The following DNM1L variants were observed in gnomAD, a reference collection of about 807,000 sequenced individuals.
DNM1L encodes the protein dynamin-1-like protein.
Under a neutral mutation model 92.8 loss-of-function variants are expected in DNM1L, and 33 were observed. The ratio of observed to expected loss-of-function variants is 0.36; its 90% CI spans 0.27 to 0.48. The LOEUF (loss-of-function observed/expected upper bound fraction) is 0.48, where lower values mean the gene tolerates loss of function less well. DNM1L is among the 20% of genes least tolerant of loss of function. The pLI is 0.99. For synonymous variants in DNM1L, 284 were observed against 305.0 expected, an observed-to-expected ratio of 0.93 and a Z score of 0.72; for missense variants, 485 against 888.8, an observed-to-expected ratio of 0.55 and a Z score of 5.78.
chr12:32,723,558 G>A (rs1953904222), intron 9 of DNM1L, among the ~76,000 whole-genome samples: 1 of 151,858 alleles, frequency 6.6e-6, no homozygotes, highest in Admixed American at 6.6e-5. Flanking sequence ...GCCGGGCGTG[G>A]TGGTGGGCAG....
chr12:32,679,766 A>T (rs1951734159), intron 1 of DNM1L: 1 of 1,078,202 alleles, frequency 9.3e-7, no homozygotes, highest in Non-Finnish European at 1.1e-6. Context: ...GGCGGGCGGA[A>T]CTGGAGTCCG....
At chr12:32,696,525 A>G (rs1165620076) in intron 1 of DNM1L, among the ~76,000 whole-genome samples, 3 of 151,852 alleles carry the variant, frequency 2.0e-5, no homozygotes, top group Non-Finnish European at 4.4e-5. Flanking sequence ...TATTGAGCCC[A>G]GGAATTGGAG....
chr12:32,729,311 G>A (rs964674297), intron 9 of DNM1L, among the ~76,000 whole-genome samples: 3 of 151,794 alleles, frequency 2.0e-5, no homozygotes, highest in Admixed American at 1.3e-4. Flanking sequence ...TCAAACTCCC[G>A]ACCTTGTGAT....
At chr12:32,730,239 C>CT (rs1338162828) in intron 9 of DNM1L, among the ~76,000 whole-genome samples, 13 of 152,316 alleles carry the variant, frequency 8.5e-5, no homozygotes, top group African/African-American at 3.1e-4. Flanking sequence ...TGGCACATGC[C>CT]TGTAGTCCCA....
chr12:32,731,548 AGAAAAG>A lies in DNM1L; in HGVS notation c.1356+40_1356+45del. On this transcript the variant is annotated intron_variant, in intron 11 of 19. Transcript: ENST00000549701. This position sits in a 1 kb window ranked among gnomAD's most constrained non-coding sequence, Gnocchi z 5.1. ...AAATGTAACAGGTTTCACATGAACTAGAAAAGGACATGAAGTGGTGGTTTCACTGGG... is the reference window on the plus strand; with the variant it reads ...AAATGTAACAGGTTTCACATGAACTAGACATGAAGTGGTGGTTTCACTGGG... 6.2e-7 allele frequency: 1 copy of A among 1,611,918 alleles called. No individual in the cohort carries two copies.
rs773298342 is a variant in DNM1L, at chr12:32,713,245, C to A, written c.493C>A (p.Gln165Lys). The A allele has an allele frequency of 1.2e-6, 2 of 1,613,772 alleles. No individual in the cohort carries two copies. Among genetic ancestry groups the A allele is most frequent in the Non-Finnish European group, 1.7e-6 (2 of 1,179,932 alleles). The change falls in exon 6 of 20, where the codon CAA becomes AAA. Residue 165 changes from glutamine (Q) to lysine (K), a missense_variant. Gln to Lys is a moderately conservative substitution (Grantham distance 53). Coordinates refer to ENST00000549701, the MANE Select transcript of DNM1L (RefSeq NM_012062.5). ...VGDQPKDIEL[Q>K]IRELILRFIS... ...TGATCAACCTAAGGATATTGAGCTT[C>A]AAATCAGAGAGCTCATTCTTCGGTT...
chr12:32,714,825 T>TAA (rs71068333), intron 6 of DNM1L, among the ~76,000 whole-genome samples: 261 of 142,262 alleles, frequency 1.8e-3, no homozygotes, highest in African/African-American at 6.1e-3. Flanking sequence ...CCATCTCTAT[T>TAA]AAAAAAAAAA....
intron 1 of DNM1L, among the ~76,000 whole-genome samples, chr12:32,692,064 A>G (rs746356548): frequency 2.6e-5 from 4 of 152,158 alleles, no homozygotes; most frequent in Non-Finnish European, 5.9e-5. Context: ...TGTTTAATAG[A>G]GTTCTTAGGG....
At chr12:32,683,806 G>A (rs1474768950) in intron 1 of DNM1L, among the ~76,000 whole-genome samples, 3 of 152,208 alleles carry the variant, frequency 2.0e-5, no homozygotes, top group East Asian at 3.9e-4. Flanking sequence ...GCCTCCCAAA[G>A]TGCTGGAATT....
At chr12:32,693,410 A>T (rs970898621) in intron 1 of DNM1L, among the ~76,000 whole-genome samples, 1 of 151,922 alleles carries the variant, frequency 6.6e-6, no homozygotes, top group Non-Finnish European at 1.5e-5. Context: ...TTTTCCCTGA[A>T]TTTTTTCTGT....
intron 9 of DNM1L, among the ~76,000 whole-genome samples, chr12:32,730,631 C>A (rs1003939575): frequency 3.3e-5 from 5 of 150,798 alleles, no homozygotes; most frequent in African/African-American, 1.2e-4. Context: ...TACTATGTGA[C>A]CCTTTATGGA....
intron 12 of DNM1L, among the ~76,000 whole-genome samples, chr12:32,733,180 C>T (rs564902075): frequency 5.9e-5 from 9 of 152,260 alleles, no homozygotes; most frequent in Non-Finnish European, 4.4e-5. Context: ...TTTTTATTTT[C>T]CTCTTAGGAT....
chr12:32,697,179 C>T (rs1952502574), intron 1 of DNM1L, among the ~76,000 whole-genome samples: 2 of 151,692 alleles, frequency 1.3e-5, no homozygotes. Context: ...CAGTGAGCCA[C>T]GATTATGCCA....
chr12:32,684,317 A>C (rs1340841358), intron 1 of DNM1L, among the ~76,000 whole-genome samples: 1 of 152,200 alleles, frequency 6.6e-6, no homozygotes, highest in Non-Finnish European at 1.5e-5. Context: ...GAATCATTGG[A>C]TTTTAAAATG....
In DNM1L at chr12:32,701,460, C is replaced by G. The variant is rs772908146; in HGVS notation, c.148C>G (p.Leu50Val). Residue 50 changes from leucine to valine, a missense_variant, in exon 2 of 20, where the codon CTG (leucine) becomes GTG (valine). This residue lies in a region of DNM1L where 159 missense variants were observed against 275.9 expected (regional missense o/e 0.58). Coordinates refer to ENST00000549701, the MANE Select transcript of DNM1L (RefSeq NM_012062.5). The stretch of plus-strand genomic sequence containing the variant: ...GCTAGAAAGCCTGGTGGGGAGGGAC[C>G]TGCTTCCCAGAGGTACTGGAATTGT... ...SVLESLVGRD[L>V]LPRGTGIVTR... 3.1e-6 allele frequency: 5 copies of G among 1,613,534 alleles called. No individual in the cohort carries two copies. The African/African-American group carries it at 5.3e-5, about 17-fold the overall frequency.
intron 16 of DNM1L, among the ~76,000 whole-genome samples, chr12:32,738,633 A>G (rs938268912): frequency 6.6e-6 from 1 of 152,158 alleles, no homozygotes; most frequent in African/African-American, 2.4e-5. Context: ...GTTCAGTACT[A>G]ATAGATCTAA....
rs1207884762 is a variant in DNM1L, at chr12:32,743,433, C to T, written c.*23C>T. On this transcript the variant is annotated 3_prime_UTR_variant, in exon 20 of 20. Transcript: ENST00000549701. ...TGAAGAGAACTATGTAATACTGAGACTTTGTTGACTCAAAACTTGCTAGTT... is the reference window on the plus strand; with the variant it reads ...TGAAGAGAACTATGTAATACTGAGATTTTGTTGACTCAAAACTTGCTAGTT... 1.2e-6 allele frequency: 2 copies of T among 1,611,780 alleles called. No homozygotes were observed. Among genetic ancestry groups the T allele is most frequent in the Non-Finnish European group, 1.7e-6 (2 of 1,178,142 alleles).
chr12:32,683,510 A>C (rs1229309341), intron 1 of DNM1L, among the ~76,000 whole-genome samples: 1 of 149,816 alleles, frequency 6.7e-6, no homozygotes, highest in African/African-American at 2.5e-5. Flanking sequence ...GAGCCACTGC[A>C]CCTAGCCTAA....
In DNM1L at chr12:32,743,545, G is replaced by C. The variant is rs750621547; in HGVS notation, c.*135G>C. 5.0e-6 allele frequency: 4 copies of C among 808,010 alleles called. No individual in the cohort carries two copies. Among genetic ancestry groups the C allele is most frequent in the Non-Finnish European group, 8.1e-6 (4 of 495,296 alleles). The allele number at this position is 808,010 out of a possible 1,614,324, so 50.1% of individuals were successfully genotyped here. On this transcript the variant is annotated 3_prime_UTR_variant, in exon 20 of 20. Transcript: ENST00000549701. The stretch of plus-strand genomic sequence containing the variant: ...CTCATGTGGAGACTGGCTATAAACT[G>C]AAAAGTGTATTCCAAATTGCAGAAC...
Sources: gnomAD v4.1 joint callset for allele counts (sites outside exome capture counted in the v4.1 genomes callset) on GRCh38, gnomAD v4.1.1 for gene constraint, gnomAD v4.1.1 regional missense constraint, Gnocchi (gnomAD v3.1) non-coding constraint, MANE v1.5 for transcripts, NCBI Gene and HGNC (gene_info 2026-07-23, HGNC 2026-07-21) for gene names.